The following FBXL18 variants were observed in gnomAD, a reference collection of about 807,000 sequenced individuals.
FBXL18 encodes the protein F-box and leucine rich repeat protein 18, also known as F-box/LRR-repeat protein 18.
FBXL18 carries 36 observed loss-of-function variants against 46.0 expected under a neutral mutation model. The observed-to-expected ratio is 0.78, with a 90% CI of 0.60 to 1.03. The LOEUF (loss-of-function observed/expected upper bound fraction) is 1.03. Ranked by LOEUF, FBXL18 falls within the 50% of genes least tolerant of loss-of-function variation. The pLI, the probability that FBXL18 is intolerant of heterozygous loss-of-function variation, is 0.00. For synonymous variants in FBXL18, 557 were observed against 465.3 expected (o/e 1.20, Z -2.54); for missense variants, 977 against 1,004.1 (o/e 0.97, Z 0.36).
chr7:5,497,639 T>C (rs1041161716), intron 3 of FBXL18, among the ~76,000 whole-genome samples: 10 of 152,178 alleles, frequency 6.6e-5, no homozygotes, highest in Non-Finnish European at 1.5e-4. Context: ...CTTCCTGCCA[T>C]GCCTTCTGCG....
At chr7:5,511,973 C>T (rs192024937) in intron 1 of FBXL18, among the ~76,000 whole-genome samples, 5 of 151,704 alleles carry the variant, frequency 3.3e-5, no homozygotes, top group African/African-American at 1.2e-4. Flanking sequence ...CAGTGGCTCA[C>T]GCCTGTAATC....
At chr7:5,492,041 C>T (rs1228360014) in intron 3 of FBXL18, among the ~76,000 whole-genome samples, 3 of 151,118 alleles carry the variant, frequency 2.0e-5, no homozygotes, top group Non-Finnish European at 4.4e-5. Flanking sequence ...TGGATGGCTG[C>T]AGGGCCAAAG....
At position 5,459,772 on chromosome 7, in the gene FBXL18, G is replaced by T. The variant is rs562413295; in HGVS notation, c.2001-11929C>A. 1.5e-4 allele frequency among the ~76,000 whole-genome samples: 23 copies of T among 151,874 alleles called. No homozygotes were observed. The South Asian group carries it at 4.8e-3, about 32-fold the overall frequency. On this transcript the variant is annotated intron_variant and NMD_transcript_variant, in intron 4 of 6. Transcript: ENST00000415009. ...AAAAAAAATACAAAAAATTAGCTGG[G>T]CATGGTGGTGTGCACCTGTAATCCC...
At chr7:5,470,713 CCCCTTCCCGGGGG>C (rs1783415178) in intron 4 of FBXL18, among the ~76,000 whole-genome samples, 1 of 20,534 alleles carries the variant, frequency 4.9e-5, no homozygotes, top group African/African-American at 1.5e-4. Flanking sequence ...GGGGAGATGT[CCCCTTCCCGGGGG>C]GGAGATGTCC....
chr7:5,460,578 C>G lies in FBXL18; in HGVS notation c.2001-12735G>C, dbSNP rs138375956. On this transcript the variant is annotated intron_variant and NMD_transcript_variant, in intron 4 of 6. Coordinates refer to the FBXL18 transcript ENST00000415009. Reference sequence around the variant, plus strand: ...AAGTGATTCTCATGCCTCAACCTCCCGAGCAGCTGGGGTTACCGGCATGTG... The same window carrying G: ...AAGTGATTCTCATGCCTCAACCTCCGGAGCAGCTGGGGTTACCGGCATGTG... Among the ~76,000 whole-genome samples, 720 of 152,322 alleles carry G rather than the reference C, an allele frequency of 4.7e-3. 8 individuals carry two copies. Among genetic ancestry groups the G allele is most frequent in the African/African-American group, 0.017 (689 of 41,572 alleles).
downstream of FBXL18, among the ~76,000 whole-genome samples, chr7:5,473,173 G>C (rs544408502): frequency 2.7e-4 from 41 of 152,246 alleles, no homozygotes; most frequent in African/African-American, 9.1e-4. Context: ...ACAATGTTGG[G>C]CAGGATGGGA....
chr7:5,499,686 G>A (rs931253307), intron 3 of FBXL18, among the ~76,000 whole-genome samples: 2 of 149,118 alleles, frequency 1.3e-5, no homozygotes, highest in African/African-American at 5.0e-5. Flanking sequence ...AACCAAGATC[G>A]CGCCACTGCA....
downstream of FBXL18, among the ~76,000 whole-genome samples, chr7:5,475,009 A>G (rs1783487111): frequency 1.4e-5 from 2 of 143,974 alleles, no homozygotes; most frequent in African/African-American, 5.0e-5. This position sits in a 1 kb window ranked among gnomAD's most constrained non-coding sequence, Gnocchi z 4.2. Flanking sequence ...CGCCTGGCCA[A>G]ATTATGCACT....
intron 4 of FBXL18, among the ~76,000 whole-genome samples, chr7:5,462,985 TATATATATATA>T (rs371565278): frequency 0.061 from 3,022 of 49,806 alleles, 420 homozygotes; most frequent in Middle Eastern, 0.12. Context: ...TATATATATA[TATATATATATA>T]ATATATATAC....
At chr7:5,456,378 C>A (rs1241014593) in intron 4 of FBXL18, among the ~76,000 whole-genome samples, 1 of 152,202 alleles carries the variant, frequency 6.6e-6, no homozygotes, top group Non-Finnish European at 1.5e-5. Flanking sequence ...GGAGGACAAA[C>A]CAAGGGGGAT....
chr7:5,488,636 G>A (rs889280012), intron 4 of FBXL18, among the ~76,000 whole-genome samples: 3 of 152,186 alleles, frequency 2.0e-5, no homozygotes, highest in Non-Finnish European at 4.4e-5. Flanking sequence ...AAACACCCAC[G>A]CAGGAGGTGG....
In FBXL18 at chr7:5,470,557, C is replaced by T. The variant is rs1035139735; in HGVS notation, c.2000+20674G>A. On this transcript the variant is annotated intron_variant and NMD_transcript_variant, in intron 4 of 6. Transcript: ENST00000415009. The stretch of plus-strand genomic sequence containing the variant: ...GGCCTGGCCAGCAAGTCACCATTCC[C>T]GGCTCCTGAGTGTCACCACGGCCAG... Among the ~76,000 whole-genome samples, 12 of 152,308 alleles carry T rather than the reference C, an allele frequency of 7.9e-5. No homozygotes were observed. In the East Asian group the frequency reaches 1.7e-3, roughly 22 times the overall value.
In FBXL18 at chr7:5,496,143, G is replaced by A. The variant is rs1019657715; in HGVS notation, c.1781+4345C>T. On this transcript the variant is annotated intron_variant, in intron 3 of 4. Coordinates refer to ENST00000382368, the MANE Select transcript of FBXL18 (RefSeq NM_024963.6). The surrounding 1 kb of genome is among the most constrained non-coding windows in gnomAD (Gnocchi z 4.8). ...GGAGACAAGCAGCCATGTGACCTAG[G>A]CAAGTTCATGCACTCTCTGGGCCTT... Among the ~76,000 whole-genome samples the A allele has an allele frequency of 6.6e-6, 1 of 152,176 alleles. No individual in the cohort carries two copies. Among genetic ancestry groups the A allele is most frequent in the African/African-American group, 2.4e-5 (1 of 41,446 alleles).
At chr7:5,511,226 G>A (rs1036838527) in intron 1 of FBXL18, among the ~76,000 whole-genome samples, 1 of 151,792 alleles carries the variant, frequency 6.6e-6, no homozygotes, top group Non-Finnish European at 1.5e-5. Context: ...TATGAAGTCA[G>A]GAGATCGAGA....
chr7:5,490,049 G>A, intron 4 of FBXL18: 1 of 1,345,290 alleles, frequency 7.4e-7, no homozygotes, highest in Non-Finnish European at 9.9e-7. Flanking sequence ...ACCCCAACCA[G>A]GATTATTCCT....
intron 3 of FBXL18, among the ~76,000 whole-genome samples, chr7:5,497,170 C>G (rs1784103717): frequency 6.6e-6 from 1 of 151,928 alleles, no homozygotes; most frequent in Admixed American, 6.6e-5. Flanking sequence ...CCACTGCACT[C>G]CGGTCTGGGA....
At chr7:5,474,686 T>TTTTTATTTATTTA (rs1554317766), downstream of FBXL18, among the ~76,000 whole-genome samples, 13 of 39,458 alleles carry the variant, frequency 3.3e-4, no homozygotes, top group African/African-American at 1.2e-3. Context: ...GCACTTTATT[T>TTTTTATTTATTTA]TTTATTTATT....
At chr7:5,491,198 C>A (rs1205479744) in intron 4 of FBXL18, 33 bp downstream of exon 4, 1 of 1,571,498 alleles carries the variant, frequency 6.4e-7, no homozygotes, top group Non-Finnish European at 8.7e-7. Flanking sequence ...ATTTCTGCGG[C>A]CCCTGAAGCT....
At chr7:5,507,267 A>C (rs1784417169) in intron 1 of FBXL18, among the ~76,000 whole-genome samples, 1 of 152,080 alleles carries the variant, frequency 6.6e-6, no homozygotes, top group African/African-American at 2.4e-5. Context: ...TGCACACCCC[A>C]CACGGGTATC....
Sources: allele counts gnomAD v4.1 joint callset (sites outside exome capture counted in the v4.1 genomes callset), GRCh38; gene constraint gnomAD v4.1.1; non-coding constraint Gnocchi (gnomAD v3.1); transcripts MANE v1.5; gene names NCBI Gene and HGNC (gene_info 2026-07-23, HGNC 2026-07-21).